Variants in RBFOX2 observed in about 807,000 individuals in gnomAD.
RBFOX2 encodes RNA binding protein fox-1 homolog 2.
RBFOX2 carries 10 observed loss-of-function variants against 49.1 expected under a neutral mutation model. The ratio of observed to expected loss-of-function variants is 0.20; its 90% confidence interval spans 0.13 to 0.35. The LOEUF (loss-of-function observed/expected upper bound fraction) is 0.35, where lower values mean the gene tolerates loss of function less well. Among genes scored for constraint, RBFOX2 ranks in the 10% least tolerant of loss-of-function variants. The pLI, the probability that RBFOX2 is intolerant of heterozygous loss-of-function variation, is 1.00. For missense variants in RBFOX2, 323 were observed against 486.9 expected, an observed-to-expected ratio of 0.66 and a Z score of 3.17; for synonymous variants, 183 against 187.4, an observed-to-expected ratio of 0.98 and a Z score of 0.19.
intron 1 of RBFOX2, among the ~76,000 whole-genome samples, chr22:35,879,487 G>A (rs944300585): frequency 6.6e-6 from 1 of 152,158 alleles, no homozygotes; most frequent in Admixed American, 6.5e-5. Flanking sequence ...CTGCGGATTT[G>A]GGTATCTTTA....
intron 10 of RBFOX2, among the ~76,000 whole-genome samples, 183 bp downstream of exon 12, chr22:35,746,290 A>G (rs1039106314): frequency 1.3e-5 from 2 of 152,220 alleles, no homozygotes; most frequent in Non-Finnish European, 1.5e-5. Flanking sequence ...TGGAGGACAG[A>G]GTCGGTGCCT....
chr22:35,901,674 G>A (rs1488316684), intron 1 of RBFOX2, among the ~76,000 whole-genome samples: 1 of 152,156 alleles, frequency 6.6e-6, no homozygotes, highest in East Asian at 1.9e-4. Flanking sequence ...TATATACATG[G>A]AGAAAGCGGT....
chr22:35,816,392 G>A (rs1953062958), intron 1 of RBFOX2, among the ~76,000 whole-genome samples: 2 of 152,054 alleles, frequency 1.3e-5, no homozygotes. Context: ...CCTCAAGAAA[G>A]TTTCACAATT....
At chr22:35,761,110 A>T in intron 8 of RBFOX2, 92 bp downstream of exon 9, 1 of 1,078,978 alleles carries the variant, frequency 9.3e-7, no homozygotes, top group East Asian at 2.4e-5. Context: ...TTTCCATTTC[A>T]GTTATGTACT....
upstream of RBFOX2, among the ~76,000 whole-genome samples, chr22:35,964,309 T>C (rs2056432176): frequency 6.6e-6 from 1 of 152,202 alleles, no homozygotes; most frequent in South Asian, 2.1e-4. Context: ...GACATCAAGG[T>C]CAAAGTCATA....
intron 3 of RBFOX2, among the ~76,000 whole-genome samples, chr22:35,780,300 A>T (rs1944855498): frequency 6.6e-6 from 1 of 152,010 alleles, no homozygotes; most frequent in East Asian, 1.9e-4. Flanking sequence ...CTTAAAGAAG[A>T]GCATCTGCTT....
chr22:35,879,084 A>C (rs2045543246), intron 1 of RBFOX2, among the ~76,000 whole-genome samples: 1 of 152,238 alleles, frequency 6.6e-6, no homozygotes, highest in Non-Finnish European at 1.5e-5. Flanking sequence ...AATTTAAAGT[A>C]AAATGGCTTT....
chr22:35,928,768 T>C (rs1603449856), intron 1 of RBFOX2, among the ~76,000 whole-genome samples: 1 of 151,854 alleles, frequency 6.6e-6, no homozygotes, highest in Admixed American at 6.6e-5. Context: ...AAAAACCAAA[T>C]AAAAAGTGGG....
intron 1 of RBFOX2, among the ~76,000 whole-genome samples, chr22:35,899,122 A>AATAACATAAC (rs59505989): frequency 0.23 from 32,377 of 139,062 alleles, 3,941 homozygotes; most frequent in Middle Eastern, 0.31. Flanking sequence ...CTGTCTCAAA[A>AATAACATAAC]ATAACATAAC....
intron 1 of RBFOX2, among the ~76,000 whole-genome samples, chr22:35,987,786 T>C (rs1302143333): frequency 6.6e-6 from 1 of 152,136 alleles, no homozygotes; most frequent in Non-Finnish European, 1.5e-5. Flanking sequence ...AAGCTCCCAA[T>C]GGTCACAGAT....
At chr22:36,017,531 A>AAAAAAAT (rs888784176) in intron 1 of RBFOX2, among the ~76,000 whole-genome samples, 2 of 152,138 alleles carry the variant, frequency 1.3e-5, no homozygotes, top group African/African-American at 4.8e-5. Flanking sequence ...CTCGGTCTCA[A>AAAAAAAT]AAAAAATAAA....
At chr22:35,849,203 G>C (rs979745840) in intron 1 of RBFOX2, among the ~76,000 whole-genome samples, 1 of 151,766 alleles carries the variant, frequency 6.6e-6, no homozygotes, top group Non-Finnish European at 1.5e-5. Flanking sequence ...TCAAAACAAA[G>C]CCTAAAGTTT....
At chr22:35,760,532 ACATTT>A (rs1022346144) in intron 8 of RBFOX2, among the ~76,000 whole-genome samples, 6 of 152,238 alleles carry the variant, frequency 3.9e-5, no homozygotes, top group South Asian at 2.1e-4. Flanking sequence ...TAGTCTTTAG[ACATTT>A]CATTTCATTA....
chr22:36,005,365 C>T (rs545994334), intron 1 of RBFOX2, among the ~76,000 whole-genome samples: 39 of 152,184 alleles, frequency 2.6e-4, no homozygotes, highest in Non-Finnish European at 5.0e-4. Flanking sequence ...ACTGCAAAAA[C>T]GTGCTGCCCA....
At chr22:35,763,430 C>T (rs1939693336) in intron 6 of RBFOX2, among the ~76,000 whole-genome samples, 2 of 152,070 alleles carry the variant, frequency 1.3e-5, no homozygotes, top group South Asian at 4.2e-4. Context: ...GATGTGGTGG[C>T]ACACACCTGT....
chr22:35,765,520 G>C (rs376816402), intron 5 of RBFOX2, 37 bp from the exon 7 acceptor site: 58 of 1,357,952 alleles, frequency 4.3e-5, no homozygotes, highest in Non-Finnish European at 9.3e-6. Context: ...CAGGGAAGAA[G>C]TGGACCACAT....
At chr22:35,935,932 A>G (rs1569499698) in intron 1 of RBFOX2, among the ~76,000 whole-genome samples, 1 of 152,192 alleles carries the variant, frequency 6.6e-6, no homozygotes. Flanking sequence ...GAGAAAATAC[A>G]ATGAAAGTGG....
At chr22:35,753,941 C>G (rs1452465394) in intron 9 of RBFOX2, among the ~76,000 whole-genome samples, 4 of 151,816 alleles carry the variant, frequency 2.6e-5, no homozygotes, top group Admixed American at 6.6e-5. Flanking sequence ...TGCCACCACG[C>G]CTGGCTAATT....
At chr22:35,756,233 G>T in intron 9 of RBFOX2, 89 bp from the exon 11 acceptor site, 2 of 1,203,270 alleles carry the variant, frequency 1.7e-6, no homozygotes, top group Non-Finnish European at 2.2e-6. Flanking sequence ...ATGCACATGC[G>T]CTCTACACAG....
Sources: allele counts gnomAD v4.1 joint callset (sites outside exome capture counted in the v4.1 genomes callset), GRCh38; gene constraint gnomAD v4.1.1; transcripts MANE v1.5; gene names NCBI Gene and HGNC (gene_info 2026-07-23, HGNC 2026-07-21).